Variants in NALF1 observed in about 807,000 individuals in gnomAD.
NALF1 encodes the protein family with sequence similarity 155 member A.
A neutral mutation model predicts 48.4 loss-of-function variants in NALF1; 3 were observed. The ratio of observed to expected loss-of-function variants is 0.06; its 90% CI spans 0.03 to 0.16. NALF1 has a LOEUF of 0.16. Among genes scored for constraint, NALF1 ranks in the 10% least tolerant of loss-of-function variants. NALF1 has a pLI of 1.00. For synonymous variants in NALF1, 262 were observed against 245.7 expected (o/e 1.07, Z -0.62); for missense variants, 526 against 571.5 (o/e 0.92, Z 0.81).
chr13:107,397,013 C>T (rs1302928679), intron 1 of NALF1, among the ~76,000 whole-genome samples: 5 of 152,180 alleles, frequency 3.3e-5, no homozygotes, highest in African/African-American at 1.2e-4. Context: ...GGCCTGGAGG[C>T]ATATTTGGAG....
intron 1 of NALF1, among the ~76,000 whole-genome samples, chr13:107,384,744 C>G (rs998426430): frequency 3.3e-5 from 5 of 152,060 alleles, no homozygotes; most frequent in Admixed American, 2.6e-4. Context: ...GAAGGTGAAC[C>G]ATGGTGGTGA....
chr13:107,174,325 G>C (rs1174225464), intron 2 of NALF1, among the ~76,000 whole-genome samples: 2 of 150,644 alleles, frequency 1.3e-5, no homozygotes, highest in Non-Finnish European at 3.0e-5. Context: ...TGAACTGTTA[G>C]AATGGAGAAA....
At chr13:107,441,794 C>T (rs1566343981) in intron 1 of NALF1, among the ~76,000 whole-genome samples, 1 of 152,106 alleles carries the variant, frequency 6.6e-6, no homozygotes, top group African/African-American at 2.4e-5. Flanking sequence ...ACTTAGTGGG[C>T]AATCTGCCCC....
chr13:107,678,841 A>T (rs879639275), intron 1 of NALF1, among the ~76,000 whole-genome samples: 10 of 152,190 alleles, frequency 6.6e-5, no homozygotes, highest in Admixed American at 2.6e-4. Context: ...CCCATGATTC[A>T]GTTACCTCCA....
chr13:107,272,064 A>T (rs1372924125), intron 1 of NALF1, among the ~76,000 whole-genome samples: 2 of 151,852 alleles, frequency 1.3e-5, no homozygotes, highest in Non-Finnish European at 2.9e-5. Context: ...AAATAAGCAT[A>T]AAGTACATGC....
At chr13:107,513,469 G>A (rs1176800814) in intron 1 of NALF1, among the ~76,000 whole-genome samples, 1 of 151,722 alleles carries the variant, frequency 6.6e-6, no homozygotes, top group East Asian at 1.9e-4. Context: ...TGGGAAACTA[G>A]CCATTGTTTA....
chr13:107,650,360 A>G (rs899849111), intron 1 of NALF1, among the ~76,000 whole-genome samples: 4 of 134,686 alleles, frequency 3.0e-5, no homozygotes, highest in East Asian at 2.5e-4. Context: ...TTCTTGGCCA[A>G]CGTTGCCATT....
intron 1 of NALF1, among the ~76,000 whole-genome samples, chr13:107,412,095 C>T (rs759950853): frequency 2.6e-5 from 4 of 152,118 alleles, no homozygotes; most frequent in African/African-American, 9.7e-5. Flanking sequence ...ATCCTCACAG[C>T]GAAATGAGCT....
chr13:107,554,924 G>T (rs933828951), intron 1 of NALF1, among the ~76,000 whole-genome samples: 1 of 152,082 alleles, frequency 6.6e-6, no homozygotes, highest in African/African-American at 2.4e-5. Context: ...CTAAGTAGAG[G>T]AGGAACTAAC....
At chr13:107,736,953 T>C (rs1876485897) in intron 1 of NALF1, among the ~76,000 whole-genome samples, 1 of 152,206 alleles carries the variant, frequency 6.6e-6, no homozygotes, top group African/African-American at 2.4e-5. Flanking sequence ...GAAACCTTAA[T>C]GGCCTGCCAA....
At chr13:107,631,157 T>C (rs1158403167) in intron 1 of NALF1, among the ~76,000 whole-genome samples, 2 of 152,048 alleles carry the variant, frequency 1.3e-5, no homozygotes, top group Admixed American at 6.6e-5. Context: ...CCACCACACC[T>C]GGCTAATGTT....
intron 1 of NALF1, among the ~76,000 whole-genome samples, chr13:107,356,916 A>T (rs1882972593): frequency 6.6e-6 from 1 of 152,184 alleles, no homozygotes; most frequent in Admixed American, 6.5e-5. Flanking sequence ...AACCATACAA[A>T]GTTTACTGTT....
At chr13:107,604,596 C>T (rs1205696371) in intron 1 of NALF1, among the ~76,000 whole-genome samples, 1 of 152,122 alleles carries the variant, frequency 6.6e-6, no homozygotes, top group Non-Finnish European at 1.5e-5. Context: ...AAGTTATTCT[C>T]CACAATTAAG....
At position 107,221,794 on chromosome 13, in the gene NALF1, G is replaced by A. The variant is rs74586718; in HGVS notation, c.916-11039C>T. Among the ~76,000 whole-genome samples the A allele has an allele frequency of 3.2e-4, 48 of 152,034 alleles. 1 individual carries two copies. In the East Asian group the frequency reaches 4.5e-3, roughly 14 times the overall value. On this transcript the variant is annotated intron_variant, in intron 1 of 2. Coordinates refer to ENST00000375915, the MANE Select transcript of NALF1 (RefSeq NM_001080396.3). ...TTTAGGTCATTTTACCCTACACCCC[G>A]CCACCCCACATCAAACTGTGTTTTA...
At chr13:107,453,187 T>C (rs1209228087) in intron 1 of NALF1, among the ~76,000 whole-genome samples, 1 of 152,174 alleles carries the variant, frequency 6.6e-6, no homozygotes, top group Non-Finnish European at 1.5e-5. Flanking sequence ...ACAGTTCTAC[T>C]AGGTCCCTAG....
In NALF1 at chr13:107,536,226, T is replaced by C. The variant is rs144298809; in HGVS notation, c.916-325471A>G. Among the ~76,000 whole-genome samples the C allele has an allele frequency of 6.6e-3, 1,000 of 152,222 alleles. 11 individuals carry two copies. Among genetic ancestry groups the C allele is most frequent in the African/African-American group, 0.023 (954 of 41,524 alleles). ...AGCAACAAAAGCCAAAATTGACAAA[T>C]GGGATCTAATTAAACTAAAGAGCTC... On this transcript the variant is annotated intron_variant, in intron 1 of 2. Transcript: ENST00000375915.
chr13:107,168,171 C>T lies in NALF1; in HGVS notation c.*2326G>A, dbSNP rs1878706068. The stretch of plus-strand genomic sequence containing the variant: ...AGGTAGATAAAGGTCAGAACAGACT[C>T]CTTCCTAGCCATTCCCTTAGAGGTC... On this transcript the variant is annotated 3_prime_UTR_variant, in exon 3 of 3. Transcript: ENST00000375915. The T allele has an allele frequency of 6.6e-6, 1 of 152,214 alleles. No homozygotes were observed. Among genetic ancestry groups the T allele is most frequent in the Middle Eastern group, 3.2e-3 (1 of 316 alleles). The allele number at this position is 152,214 out of a possible 1,614,324, so 9.4% of individuals were successfully genotyped here.
At chr13:107,727,438 T>A (rs1341244367) in intron 1 of NALF1, among the ~76,000 whole-genome samples, 3 of 152,076 alleles carry the variant, frequency 2.0e-5, no homozygotes, top group African/African-American at 4.8e-5. Context: ...TGTACACCCC[T>A]CTAGGACCTG....
intron 1 of NALF1, among the ~76,000 whole-genome samples, chr13:107,765,968 C>CTTTTTTTT (rs1236091111): frequency 6.6e-6 from 1 of 151,850 alleles, no homozygotes; most frequent in African/African-American, 2.4e-5. Context: ...ACATTGCTCT[C>CTTTTTTTT]TTTTTAAAAA....
Sources: allele counts gnomAD v4.1 joint callset (sites outside exome capture counted in the v4.1 genomes callset), GRCh38; gene constraint gnomAD v4.1.1; transcripts MANE v1.5; gene names NCBI Gene and HGNC (gene_info 2026-07-23, HGNC 2026-07-21).